The following SYNE2 variants were observed in gnomAD, a reference collection of about 807,000 sequenced individuals.
SYNE2 encodes the protein spectrin repeat containing nuclear envelope protein 2.
In SYNE2, 431 loss-of-function variants were observed where a neutral mutation model predicts 856.3. That is an observed-to-expected ratio of 0.50 (90% confidence interval 0.47 to 0.55). The LOEUF is 0.55. Among genes scored for constraint, SYNE2 ranks in the 20% least tolerant of loss-of-function variants. The pLI is 0.00. For missense variants in SYNE2, 8,129 were observed against 8,023.2 expected (o/e 1.01, Z -0.50); for synonymous variants, 2,923 against 2,872.3 (o/e 1.02, Z -0.56).
At chr14:64,044,885 A>G (rs969673229) in intron 45 of SYNE2, among the ~76,000 whole-genome samples, 3 of 152,206 alleles carry the variant, frequency 2.0e-5, no homozygotes, top group Admixed American at 6.5e-5. Context: ...TAAATTGCCC[A>G]GTCTCAGGTA....
chr14:64,189,100 A>G (rs2098505622), intron 98 of SYNE2: 1 of 643,970 alleles, frequency 1.6e-6, no homozygotes. Context: ...TTGGGAGGCC[A>G]AGGCGGGTGG....
At chr14:64,224,624 C>A in intron 114 of SYNE2, 77 bp downstream of exon 114, 1 of 1,534,814 alleles carries the variant, frequency 6.5e-7, no homozygotes, top group Non-Finnish European at 9.0e-7. Context: ...GCTTGGGATT[C>A]CAAGAGCCCA....
At chr14:64,092,890 T>C (rs557967727) in intron 60 of SYNE2, among the ~76,000 whole-genome samples, 65 of 152,176 alleles carry the variant, frequency 4.3e-4, no homozygotes, top group Non-Finnish European at 5.6e-4. Flanking sequence ...GGAAAACCCA[T>C]CATCACTGAC....
At chr14:63,903,206 T>C (rs1041340014) in intron 1 of SYNE2, among the ~76,000 whole-genome samples, 2 of 152,178 alleles carry the variant, frequency 1.3e-5, no homozygotes, top group African/African-American at 4.8e-5. Flanking sequence ...CTCTGTAGCA[T>C]GTTTTGACAA....
chr14:63,986,711 T>C, intron 19 of SYNE2, 94 bp downstream of exon 19: 5 of 1,322,204 alleles, frequency 3.8e-6, no homozygotes, highest in Non-Finnish European at 5.4e-6. Flanking sequence ...GTAATAAGCC[T>C]ACAGTTTTAA....
In SYNE2 at chr14:64,070,707, A is replaced by G. The variant is rs201000414; in HGVS notation, c.10494A>G (p.Thr3498=). 6.1e-4 allele frequency: 986 copies of G among 1,613,970 alleles called. No homozygotes were observed. The highest frequency in any genetic ancestry group is 7.9e-4 in the Non-Finnish European group (935 of 1,180,006). ...AAGAACTCCCTGAAATTTCCAAAAC[A>G]AAAGAGGCAGCCACCACAGAGGAAC... ...LQEELPEISK[T]KEAATTEELS... is the part of the protein sequence containing the mutation. The change falls in exon 52 of 116, where the codon ACA becomes ACG. Residue 3498 remains threonine (T), a synonymous_variant. Coordinates refer to ENST00000555002, the MANE Select transcript of SYNE2 (RefSeq NM_182914.3).
rs377270078 is a variant in SYNE2, at chr14:64,003,316, A to G, written c.4383A>G (p.Pro1461=). Residue 1461 remains proline, a synonymous_variant, in exon 30 of 116, where the codon CCA becomes CCG. Coordinates refer to ENST00000555002, the MANE Select transcript of SYNE2 (RefSeq NM_182914.3). The part of the protein sequence containing the change: ...SKIGLKDPTV[P]AVKHRKKSLI... The stretch of plus-strand genomic sequence containing the variant: ...TTGGTCTTAAGGATCCTACTGTTCC[A>G]GCTGTGAAACATCGGTAAGTATTGT... 3.8e-5 allele frequency: 61 copies of G among 1,614,014 alleles called. No homozygotes were observed. Among genetic ancestry groups the G allele is most frequent in the Middle Eastern group, 1.6e-4 (1 of 6,084 alleles).
At chr14:63,783,270 T>C (rs998494536) in intron 1 of SYNE2, among the ~76,000 whole-genome samples, 54 of 152,176 alleles carry the variant, frequency 3.5e-4, no homozygotes, top group African/African-American at 1.3e-3. Context: ...AGAGGGTATC[T>C]TGCTTTCCCT....
chr14:63,876,679 G>A (rs1482826739), intron 1 of SYNE2, among the ~76,000 whole-genome samples: 2 of 151,968 alleles, frequency 1.3e-5, no homozygotes, highest in African/African-American at 4.8e-5. Context: ...GTAGAGACGG[G>A]GTTTCACCGT....
intron 57 of SYNE2, chr14:64,085,001 A>G (rs1311095068): frequency 4.3e-6 from 3 of 702,214 alleles, no homozygotes; most frequent in African/African-American, 1.7e-5. Context: ...GCCTCACACC[A>G]TGGCAGCTGG....
At chr14:63,924,832 GTGTTTTTTTTTTTTTTTTT>G (rs1193681775) in intron 2 of SYNE2, among the ~76,000 whole-genome samples, 2 of 92,854 alleles carry the variant, frequency 2.2e-5, no homozygotes, top group Admixed American at 1.2e-4. Context: ...TCCAGCCTTG[GTGTTTTTTTTTTTTTTTTT>G]TTTTTTTTTT....
chr14:63,886,045 T>C (rs1311230742), intron 1 of SYNE2, among the ~76,000 whole-genome samples: 6 of 152,176 alleles, frequency 3.9e-5, no homozygotes, highest in Non-Finnish European at 7.3e-5. Flanking sequence ...TGTTTTATAG[T>C]AGAATGATTG....
At chr14:64,041,238 T>C (rs1451686236) in intron 45 of SYNE2, among the ~76,000 whole-genome samples, 1 of 152,112 alleles carries the variant, frequency 6.6e-6, no homozygotes, top group Non-Finnish European at 1.5e-5. Flanking sequence ...TACAAGAGAA[T>C]ATAAGGGAAC....
chr14:64,143,822 C>T lies in SYNE2; in HGVS notation c.15357C>T (p.Asn5119=). The part of the protein sequence containing the change: ...DYKQWIVDFV[N]QSLLQLSTCD... ...AACAGTGGATAGTTGACTTCGTTAA[C>T]CAGTCATTACTTCAGCTAAGCACCT... Residue 5119 remains asparagine (N), a synonymous_variant, in exon 83 of 116, where the codon AAC becomes AAT. Transcript: ENST00000555002. 6.2e-7 allele frequency: 1 copy of T among 1,614,174 alleles called. No individual in the cohort carries two copies. Among genetic ancestry groups the T allele is most frequent in the South Asian group, 1.1e-5 (1 of 91,084 alleles).
At position 63,931,422 on chromosome 14, in the gene SYNE2, C is replaced by T. The variant is rs1441228637; in HGVS notation, c.80-9192C>T. 2.0e-5 allele frequency among the ~76,000 whole-genome samples: 3 copies of T among 151,740 alleles called. No individual in the cohort carries two copies. In the South Asian group the frequency reaches 6.2e-4, roughly 32 times the overall value. On this transcript the variant is annotated intron_variant, in intron 2 of 115. Transcript: ENST00000555002. ...AAAATTAGCCGGGCGTGGTGGAGGG[C>T]ACCTGTAATCCCAGCTACTCAGGAG...
At chr14:64,187,388 A>G (rs2098497291) in intron 97 of SYNE2, among the ~76,000 whole-genome samples, 1 of 152,236 alleles carries the variant, frequency 6.6e-6, no homozygotes, top group Non-Finnish European at 1.5e-5. Flanking sequence ...ATTTTTATAC[A>G]AAAGAAAATG....
chr14:64,004,191 A>ATT (rs35011962), intron 30 of SYNE2, among the ~76,000 whole-genome samples: 31 of 138,350 alleles, frequency 2.2e-4, no homozygotes, highest in African/African-American at 5.1e-4. Context: ...TGCCTGGCTA[A>ATT]TTTTTTTTTT....
chr14:64,192,130 T>C (rs979977855), intron 99 of SYNE2, among the ~76,000 whole-genome samples: 2 of 152,218 alleles, frequency 1.3e-5, no homozygotes, highest in African/African-American at 2.4e-5. Flanking sequence ...TGAGAGGTCT[T>C]TCCCTAGTGA....
intron 1 of SYNE2, among the ~76,000 whole-genome samples, chr14:63,880,042 C>A (rs1333976766): frequency 6.6e-6 from 1 of 152,046 alleles, no homozygotes; most frequent in Non-Finnish European, 1.5e-5. Context: ...TCTTATTTCA[C>A]TTGATAGAAG....
Sources: allele counts gnomAD v4.1 joint callset (sites outside exome capture counted in the v4.1 genomes callset), GRCh38; gene constraint gnomAD v4.1.1; transcripts MANE v1.5; gene names NCBI Gene and HGNC (gene_info 2026-07-23, HGNC 2026-07-21).